Variants in CLCN5 observed in about 807,000 individuals in gnomAD.
CLCN5 encodes the protein H(+)/Cl(-) exchange transporter 5.
A neutral mutation model predicts 54.0 loss-of-function variants in CLCN5; 17 were observed. The ratio of observed to expected loss-of-function variants is 0.31; its 90% CI spans 0.22 to 0.47. The LOEUF is 0.47. CLCN5 is among the 20% of genes least tolerant of loss of function. The pLI is 1.00. For synonymous variants in CLCN5, 222 were observed against 233.0 expected (o/e 0.95, Z 0.43); for missense variants, 448 against 646.7 (o/e 0.69, Z 3.33).
At chrX:49,980,457 T>C (rs1248619865) in intron 3 of CLCN5, among the ~76,000 whole-genome samples, 3 of 110,931 alleles carry the variant, frequency 2.7e-5, no homozygotes, top group Admixed American at 9.6e-5. Flanking sequence ...TGGAGAAAAA[T>C]GTATGAAAGG....
At chrX:50,086,989 A>G in intron 11 of CLCN5, 119 bp downstream of exon 11, 1 of 667,652 alleles carries the variant, frequency 1.5e-6, no homozygotes, top group Non-Finnish European at 2.3e-6. Flanking sequence ...CCCTCACATT[A>G]TTCCCCCACC....
intron 3 of CLCN5, among the ~76,000 whole-genome samples, chrX:50,033,701 A>G (rs887772908): frequency 8.9e-6 from 1 of 111,830 alleles, no homozygotes; most frequent in Non-Finnish European, 1.9e-5. Flanking sequence ...AAAAGAACCC[A>G]CATCGCCAAG....
At chrX:50,063,060 A>T (rs1932887636) in intron 4 of CLCN5, among the ~76,000 whole-genome samples, 1 of 110,067 alleles carries the variant, frequency 9.1e-6, no homozygotes, top group African/African-American at 3.4e-5. Flanking sequence ...AAAGCAGGAA[A>T]GATCTAAAAT....
At chrX:50,068,239 C>T (rs782659309) in intron 4 of CLCN5, 1 of 111,120 alleles carries the variant, frequency 9.0e-6, no homozygotes, top group South Asian at 3.8e-4. Context: ...TTGCCCTCCC[C>T]CACCTCCACA....
intron 3 of CLCN5, among the ~76,000 whole-genome samples, chrX:49,957,244 G>T (rs1157553148): frequency 9.0e-6 from 1 of 111,275 alleles, no homozygotes; most frequent in Non-Finnish European, 1.9e-5. Flanking sequence ...AGGCTGCAGT[G>T]AGCCAAGATT....
intron 3 of CLCN5, among the ~76,000 whole-genome samples, chrX:49,973,313 G>A (rs1220766694): frequency 9.0e-6 from 1 of 111,540 alleles, no homozygotes; most frequent in Non-Finnish European, 1.9e-5. Context: ...CCATTTCTCT[G>A]TTTTTTATTC....
At chrX:50,056,216 T>TAATAGAAACC (rs1415205883) in intron 4 of CLCN5, among the ~76,000 whole-genome samples, 1 of 110,738 alleles carries the variant, frequency 9.0e-6, no homozygotes, top group Non-Finnish European at 1.9e-5. Flanking sequence ...TTCTGGAAAT[T>TAATAGAAACC]AATAGAAACC....
At chrX:49,956,184 A>G (rs1927309915) in intron 3 of CLCN5, among the ~76,000 whole-genome samples, 1 of 111,592 alleles carries the variant, frequency 9.0e-6, no homozygotes, top group African/African-American at 3.3e-5. Context: ...TTAAAATCCT[A>G]TTGTCTTACC....
At chrX:49,981,255 A>G (rs960774169) in intron 3 of CLCN5, among the ~76,000 whole-genome samples, 47 of 111,970 alleles carry the variant, frequency 4.2e-4, no homozygotes, top group African/African-American at 1.5e-3. Flanking sequence ...TCTCTACACT[A>G]TAATCCAAAA....
At chrX:50,043,823 T>C (rs1481103754) in intron 4 of CLCN5, among the ~76,000 whole-genome samples, 1 of 111,984 alleles carries the variant, frequency 8.9e-6, no homozygotes, top group Non-Finnish European at 1.9e-5. Context: ...TTATTGTACT[T>C]AGAAAGGACA....
chrX:50,016,698 A>G (rs1285827186), intron 3 of CLCN5, among the ~76,000 whole-genome samples: 1 of 109,531 alleles, frequency 9.1e-6, no homozygotes, highest in East Asian at 2.9e-4. Flanking sequence ...GAATAGTTTC[A>G]CTGCCCTAAA....
chrX:50,011,313 G>A (rs782593047), intron 3 of CLCN5, among the ~76,000 whole-genome samples: 1 of 112,185 alleles, frequency 8.9e-6, no homozygotes, highest in South Asian at 3.7e-4. Flanking sequence ...CATCACCAAG[G>A]ATATAGCAGG....
At chrX:49,923,237 A>G (rs1287339826) in intron 1 of CLCN5, among the ~76,000 whole-genome samples, 170 bp from the exon 2 acceptor site, 1 of 113,088 alleles carries the variant, frequency 8.8e-6, no homozygotes, top group African/African-American at 3.2e-5. Context: ...GGGTCTTAGC[A>G]AAGTGGAGAA....
At chrX:50,003,401 C>G in intron 3 of CLCN5, 1 of 347,770 alleles carries the variant, frequency 2.9e-6, no homozygotes, top group South Asian at 2.6e-5. Context: ...TACCCATCAG[C>G]ACTCCTGTGG....
chrX:50,001,663 T>C (rs1313222349), intron 3 of CLCN5, among the ~76,000 whole-genome samples: 1 of 92,071 alleles, frequency 1.1e-5, no homozygotes, highest in Non-Finnish European at 2.1e-5. Flanking sequence ...CCCCTTCCTG[T>C]GTCCAAGTGT....
In CLCN5 at chrX:50,094,983, A is replaced by G. The variant is rs782720039; in HGVS notation, c.*2764A>G. On this transcript the variant is annotated 3_prime_UTR_variant, in exon 15 of 15. Coordinates refer to ENST00000376091, the MANE Select transcript of CLCN5 (RefSeq NM_001127898.4). ...TGCTTAAGCAACAAATACAGCCAGT[A>G]TAGGGAGGACTGTCAGTAGCATCAA... The G allele has an allele frequency of 8.9e-6, 1 of 112,770 alleles. No individual in the cohort carries two copies. Among genetic ancestry groups the G allele is most frequent in the East Asian group, 2.8e-4 (1 of 3,593 alleles). 9.3% of individuals were successfully genotyped at this position (112,770 alleles called of 1,213,427 possible). A position where few individuals can be genotyped will look rare whatever the true frequency, so the allele number is the denominator to read the frequency against.
At position 50,064,353 on chromosome X, in the gene CLCN5, C is replaced by G. The variant is rs1275626057; in HGVS notation, c.164-5526C>G. On this transcript the variant is annotated intron_variant, in intron 4 of 14. Transcript: ENST00000376091. ...CAATGTACAAAAATCACAAGCATTC[C>G]TATACACCAACAACAGACAAACAGA... is the stretch of plus-strand genomic sequence containing the variant. 1.5e-3 allele frequency among the ~76,000 whole-genome samples: 144 copies of G among 98,108 alleles called. 1 individual carries two copies. Among genetic ancestry groups the G allele is most frequent in the Admixed American group, 2.3e-3 (20 of 8,759 alleles). 85.2% of individuals were successfully genotyped at this position (98,108 alleles called of 115,157 possible).
chrX:50,062,800 C>G (rs1464745715), intron 4 of CLCN5, among the ~76,000 whole-genome samples: 2 of 102,366 alleles, frequency 2.0e-5, no homozygotes, highest in Admixed American at 1.0e-4. Context: ...GAAATTATAA[C>G]AAACTATCTC....
At chrX:50,003,539 G>A (rs782112318) in intron 3 of CLCN5, 2 of 378,958 alleles carry the variant, frequency 5.3e-6, no homozygotes, top group African/African-American at 5.1e-5. Flanking sequence ...GGTGGAGGGT[G>A]AGCTTTCTGA....
Sources: gnomAD v4.1 joint callset for allele counts (sites outside exome capture counted in the v4.1 genomes callset) on GRCh38, gnomAD v4.1.1 for gene constraint, MANE v1.5 for transcripts, NCBI Gene and HGNC (gene_info 2026-07-23, HGNC 2026-07-21) for gene names.